Variants in TSC2 observed in about 807,000 individuals in gnomAD.
TSC2 encodes the protein TSC complex subunit 2.
A neutral mutation model predicts 202.2 loss-of-function variants in TSC2; 29 were observed. The ratio of observed to expected loss-of-function variants is 0.14; its 90% CI spans 0.11 to 0.20. The LOEUF is 0.20. TSC2 is among the 10% of genes least tolerant of loss of function. TSC2 has a pLI of 1.00. For missense variants in TSC2, 2,429 were observed against 2,420.0 expected, an observed-to-expected ratio of 1.00 and a Z score of -0.08; for synonymous variants, 1,349 against 1,044.0, an observed-to-expected ratio of 1.29 and a Z score of -5.63.
At position 2,081,786 on chromosome 16, in the gene TSC2, C is replaced by T. The variant is rs1020561347; in HGVS notation, c.3802C>T (p.Arg1268Cys). 3.3e-5 allele frequency: 53 copies of T among 1,612,268 alleles called. No individual in the cohort carries two copies. The highest frequency in any genetic ancestry group is 4.2e-5 in the Non-Finnish European group (49 of 1,179,984). The change falls in exon 31 of 42, where the codon CGC becomes TGC. Residue 1268 changes from arginine (R) to cysteine (C), a missense_variant. Physicochemically the swap from Arg to Cys is radical, Grantham distance 180. Transcript: ENST00000219476. ...ASTAKPPPLP[R>C]SNTVASFSSL... ...CACGGCCAAACCCCCTCCTCTGCCTCGCTCCAACACAGGTGAGTGGCATGG... is the reference window on the plus strand; with the variant it reads ...CACGGCCAAACCCCCTCCTCTGCCTTGCTCCAACACAGGTGAGTGGCATGG...
At chr16:2,087,550 C>G (rs2090991641) in intron 38 of TSC2, among the ~76,000 whole-genome samples, 2 of 151,812 alleles carry the variant, frequency 1.3e-5, no homozygotes, top group Admixed American at 1.3e-4. Context: ...GTGCACGGCT[C>G]ACTTCATGGC....
intron 17 of TSC2, 35 bp downstream of exon 17, chr16:2,070,613 G>A (rs1226535883): frequency 6.2e-7 from 1 of 1,612,480 alleles, no homozygotes; most frequent in Admixed American, 1.7e-5. Context: ...CAGTTCCTGG[G>A]GGCCCAGCCA....
chr16:2,083,128 G>A (rs1442662760), intron 32 of TSC2: 1 of 455,808 alleles, frequency 2.2e-6, no homozygotes. Flanking sequence ...GGCTGTGATG[G>A]TCCCCTCTGT....
intron 26 of TSC2, 42 bp from the exon 27 acceptor site, chr16:2,078,990 C>T: frequency 6.2e-7 from 1 of 1,610,582 alleles, no homozygotes; most frequent in Non-Finnish European, 8.5e-7. Flanking sequence ...CTCGGCCCGC[C>T]CTACCTGGCA....
In TSC2 at chr16:2,079,789, C is replaced by A. The variant is rs1039327262; in HGVS notation, c.3397+120C>A. 2 of 972,036 alleles carry A rather than the reference C, an allele frequency of 2.1e-6. No homozygotes were observed. Among genetic ancestry groups the A allele is most frequent in the African/African-American group, 1.6e-5 (1 of 61,342 alleles). The allele number at this position is 972,036 out of a possible 1,614,324, so 60.2% of individuals were successfully genotyped here. ...GGGGTGGCTGGCTTCAGGCCCGGCC[C>A]ACGTCCTGACTCTGGGGTGAGCCTT... On this transcript the variant is annotated intron_variant, in intron 29 of 41. Coordinates refer to ENST00000219476, the MANE Select transcript of TSC2 (RefSeq NM_000548.5). This position sits in a 1 kb window ranked among gnomAD's most constrained non-coding sequence, Gnocchi z 4.6.
chr16:2,088,723 T>C lies in TSC2; in HGVS notation c.*113T>C. ...GAGGCACAGATTGCAGTCAGACAGC[T>C]CTTTTATTGACTTTGTCTGCTTGGT... is the stretch of plus-strand genomic sequence containing the variant. On this transcript the variant is annotated 3_prime_UTR_variant, in exon 42 of 42. Coordinates refer to ENST00000219476, the MANE Select transcript of TSC2 (RefSeq NM_000548.5). The C allele has an allele frequency of 7.2e-7, 1 of 1,394,694 alleles. No homozygotes were observed. The highest frequency in any genetic ancestry group is 9.7e-7 in the Non-Finnish European group (1 of 1,031,336). The allele number at this position is 1,394,694 out of a possible 1,614,324, so 86.4% of individuals were successfully genotyped here. A position where few individuals can be genotyped will look rare whatever the true frequency, so the allele number is the denominator to read the frequency against.
chr16:2,071,240 C>T (rs1296472574), intron 17 of TSC2: 4 of 553,702 alleles, frequency 7.2e-6, no homozygotes, highest in African/African-American at 1.9e-5. Context: ...AGGCGCCCAT[C>T]CCTTCCATCC....
At chr16:2,056,902 C>T in intron 8 of TSC2, 133 bp downstream of exon 8, 2 of 1,496,264 alleles carry the variant, frequency 1.3e-6, no homozygotes. Flanking sequence ...CGGCCAGTGT[C>T]ATTTTCCCAG....
chr16:2,063,662 TCC>T (rs2086914084), intron 14 of TSC2: 1 of 221,806 alleles, frequency 4.5e-6, no homozygotes, highest in Admixed American at 5.2e-5. Flanking sequence ...CTCCCCAGCG[TCC>T]ACTGTCCTTG....
In TSC2 at chr16:2,048,042, CGGA is replaced by C. The variant is rs1190732542; in HGVS notation, c.-51_-49del. On this transcript the variant is annotated 5_prime_UTR_variant, in exon 1 of 42. Coordinates refer to ENST00000219476, the MANE Select transcript of TSC2 (RefSeq NM_000548.5). ...CGCCTTTCTCCGCGTCGGGGCGGCC[CGGA>C]GCGCGGTGGCGCGGCGCGGGGTAAG... The C allele has an allele frequency of 2.8e-5, 40 of 1,428,700 alleles. No homozygotes were observed. The highest frequency in any genetic ancestry group is 1.4e-4 in the Admixed American group (5 of 34,818). The allele number at this position is 1,428,700 out of a possible 1,614,324, so 88.5% of individuals were successfully genotyped here.
In TSC2 at chr16:2,071,928, G is replaced by T. The variant is rs2151308956; in HGVS notation, c.2091G>T (p.Leu697Phe). Residue 697 changes from leucine (L) to phenylalanine (F), a missense_variant, in exon 19 of 42, where the codon TTG becomes TTT. Physicochemically the swap from Leu to Phe is conservative, Grantham distance 22. Coordinates refer to ENST00000219476, the MANE Select transcript of TSC2 (RefSeq NM_000548.5). ...TCTTCCGCGTCCTGCTGCAGTGCTT[G>T]AAGCAGGTGAGTGGGGCCGGGCAGG... ...SLLFRVLLQC[L>F]KQESDWKVLK... is the part of the protein sequence containing the mutation. The T allele has an allele frequency of 3.8e-6, 6 of 1,580,894 alleles. No homozygotes were observed. Among genetic ancestry groups the T allele is most frequent in the Non-Finnish European group, 5.2e-6 (6 of 1,162,788 alleles).
chr16:2,054,568 G>A, intron 5 of TSC2, 128 bp downstream of exon 5: 1 of 1,390,924 alleles, frequency 7.2e-7, no homozygotes, highest in South Asian at 1.2e-5. Context: ...TGCCCACCCT[G>A]CTTCATGCAC....
rs1596270045 is a variant in TSC2 at position 2,055,339 on chromosome 16, G to C, written c.482-63G>C. 7.1e-6 allele frequency: 9 copies of C among 1,275,692 alleles called. No individual in the cohort carries two copies. The Admixed American group carries it at 1.0e-4, about 14-fold the overall frequency. 79.0% of individuals were successfully genotyped at this position (1,275,692 alleles called of 1,614,324 possible). On this transcript the variant is annotated intron_variant, in intron 5 of 41. Coordinates refer to ENST00000219476, the MANE Select transcript of TSC2 (RefSeq NM_000548.5). ...TTGGACACACTGTCCTGCGGCGGGAGGGGGAGGTGAGTGGGAGATGTAGAT... is the reference window on the plus strand; with the variant it reads ...TTGGACACACTGTCCTGCGGCGGGACGGGGAGGTGAGTGGGAGATGTAGAT...
intron 11 of TSC2, 24 bp downstream of exon 11, chr16:2,060,837 G>A: frequency 6.2e-7 from 1 of 1,611,450 alleles, no homozygotes; most frequent in Non-Finnish European, 8.5e-7. Context: ...AGGAGCTCCG[G>A]GGAGCACCGG....
At chr16:2,055,919 G>C (rs1745089069) in intron 6 of TSC2, 1 of 522,284 alleles carries the variant, frequency 1.9e-6, no homozygotes, top group Non-Finnish European at 3.5e-6. Flanking sequence ...AGAGAAGTAC[G>C]TAGCTATCTT....
At chr16:2,065,687 C>T (rs1349122425) in intron 16 of TSC2, 52 bp downstream of exon 16, 1 of 1,472,576 alleles carries the variant, frequency 6.8e-7, no homozygotes, top group Non-Finnish European at 9.5e-7. Context: ...GGCTAGCGTC[C>T]ACCAGCTGCA....
At position 2,060,740 on chromosome 16, in the gene TSC2, A is replaced by G. The variant is rs1060500916; in HGVS notation, c.1046A>G (p.Tyr349Cys). The G allele has an allele frequency of 1.2e-5, 20 of 1,614,034 alleles. No homozygotes were observed. Among genetic ancestry groups the G allele is most frequent in the Admixed American group, 5.0e-5 (3 of 60,018 alleles). The change falls in exon 11 of 42, where the codon TAT becomes TGT. Residue 349 changes from tyrosine (Y) to cysteine (C), a missense_variant. Coordinates refer to ENST00000219476, the MANE Select transcript of TSC2 (RefSeq NM_000548.5). ...TCCATCACCAGGCTCATCAAGAAGT[A>G]TAGGAAGGAGCTCCAGGTGGTGGCG... is the stretch of plus-strand genomic sequence containing the variant. Reference protein sequence around the residue: ...VLSITRLIKKYRKELQVVAWD... With the variant: ...VLSITRLIKKCRKELQVVAWD...
rs370549253 is a variant in TSC2 at position 2,085,217 on chromosome 16, C to T, written c.4570-13C>T. The stretch of plus-strand genomic sequence containing the variant: ...GGGCGTCTGGGGCTCAGGCAGGGCT[C>T]TGTGTGCCACAGTCACAGTCCTTTG... On this transcript the variant is annotated splice_polypyrimidine_tract_variant and intron_variant, in intron 35 of 41. Transcript: ENST00000219476. The T allele has an allele frequency of 2.5e-6, 4 of 1,612,560 alleles. No individual in the cohort carries two copies. The African/African-American group carries it at 4.0e-5, about 16-fold the overall frequency.
At chr16:2,053,747 T>C in intron 4 of TSC2, 1 of 581,614 alleles carries the variant, frequency 1.7e-6, no homozygotes, top group Non-Finnish European at 3.3e-6. Context: ...ACCTGGCAGC[T>C]GGTGTGGGGC....
Sources: gnomAD v4.1 joint callset for allele counts (sites outside exome capture counted in the v4.1 genomes callset) on GRCh38, gnomAD v4.1.1 for gene constraint, Gnocchi (gnomAD v3.1) non-coding constraint, MANE v1.5 for transcripts, NCBI Gene and HGNC (gene_info 2026-07-23, HGNC 2026-07-21) for gene names.